Variants in SNW1 observed in about 807,000 individuals in gnomAD.
The protein encoded by SNW1 is SNW domain containing 1.
Under a neutral mutation model 75.6 loss-of-function variants are expected in SNW1, and 9 were observed. The observed-to-expected ratio is 0.12, with a 90% confidence interval of 0.07 to 0.21. SNW1 has a LOEUF of 0.21. SNW1 is among the 10% of genes least tolerant of loss of function. The probability of loss-of-function intolerance (pLI) is 1.00; values close to 1 mark genes in which losing one functional copy is unlikely to be tolerated. For synonymous variants in SNW1, 200 were observed against 219.1 expected (o/e 0.91, Z 0.77); for missense variants, 409 against 670.9 (o/e 0.61, Z 4.31).
At chr14:77,745,524 A>G (rs762012500) in intron 3 of SNW1, among the ~76,000 whole-genome samples, 3 of 152,158 alleles carry the variant, frequency 2.0e-5, no homozygotes, top group Non-Finnish European at 4.4e-5. Context: ...CCTAACCAAC[A>G]AGGTGAAACC....
At chr14:77,720,245 G>A (rs929124985) in intron 12 of SNW1, among the ~76,000 whole-genome samples, 2 of 117,252 alleles carry the variant, frequency 1.7e-5, no homozygotes, top group Non-Finnish European at 1.8e-5. Flanking sequence ...AGCAATTCTC[G>A]TGCCTCAGCC....
intron 6 of SNW1, 118 bp from the exon 7 acceptor site, chr14:77,736,124 G>A: frequency 1.5e-6 from 1 of 675,190 alleles, no homozygotes; most frequent in Non-Finnish European, 2.5e-6. Context: ...AACAGAGACT[G>A]TATAATGATA....
chr14:77,717,968 G>A lies in SNW1; in HGVS notation c.*120C>T, dbSNP rs1354536939. On this transcript the variant is annotated 3_prime_UTR_variant, in exon 14 of 14. Coordinates refer to ENST00000261531, the MANE Select transcript of SNW1 (RefSeq NM_012245.3). ...CCCATTTCTCCAGTAATAAAAAGTA[G>A]TGCTGGGATCTGGCACCCAGATTTG... 2 of 839,900 alleles carry A rather than the reference G, an allele frequency of 2.4e-6. No homozygotes were observed. The highest frequency in any genetic ancestry group is 3.7e-6 in the Non-Finnish European group (2 of 540,054). 52.0% of individuals were successfully genotyped at this position (839,900 alleles called of 1,614,324 possible).
At chr14:77,722,076 A>G (rs971148477) in intron 11 of SNW1, among the ~76,000 whole-genome samples, 1 of 152,170 alleles carries the variant, frequency 6.6e-6, no homozygotes, top group Non-Finnish European at 1.5e-5. Flanking sequence ...TATGACTTGA[A>G]AAATGTATTA....
At position 77,718,064 on chromosome 14, in the gene SNW1, C is replaced by A. The variant is rs776939662; in HGVS notation, c.*24G>T. 1.3e-6 allele frequency: 2 copies of A among 1,529,492 alleles called. No homozygotes were observed. The highest frequency in any genetic ancestry group is 1.8e-6 in the Non-Finnish European group (2 of 1,138,912). 94.7% of individuals were successfully genotyped at this position (1,529,492 alleles called of 1,614,324 possible). ...ATCATTAGGGTTATGGGTAAGAGTTCATTCACTTTGGAGAGACCTGTGCCT... is the reference window on the plus strand; with the variant it reads ...ATCATTAGGGTTATGGGTAAGAGTTAATTCACTTTGGAGAGACCTGTGCCT... On this transcript the variant is annotated 3_prime_UTR_variant, in exon 14 of 14. Transcript: ENST00000261531.
intron 3 of SNW1, among the ~76,000 whole-genome samples, chr14:77,741,778 G>C (rs6574391): frequency 6.6e-6 from 1 of 152,026 alleles, no homozygotes; most frequent in Non-Finnish European, 1.5e-5. Flanking sequence ...TTAATCATGA[G>C]GAGTTTATCA....
intron 9 of SNW1, 29 bp downstream of exon 9, chr14:77,732,456 G>T: frequency 8.6e-7 from 1 of 1,161,934 alleles, no homozygotes; most frequent in Non-Finnish European, 1.3e-6. Flanking sequence ...AAAGTAACAA[G>T]AGCATTAAAC....
Position 77,718,242 on chromosome 14 carries a change from C to T in SNW1, c.1457G>A (p.Arg486Lys). 1 of 1,613,500 alleles carries T rather than the reference C, an allele frequency of 6.2e-7. No individual in the cohort carries two copies. Among genetic ancestry groups the T allele is most frequent in the Non-Finnish European group, 8.5e-7 (1 of 1,179,674 alleles). ...AAACTGCACTGGTCCTTCTCGGCCT[C>T]TCTGTCTACGGTCTGAACCAGAAAA... ...KEFSGSDRRQRGREGPVQFEE... is the reference protein window; with the variant it reads ...KEFSGSDRRQKGREGPVQFEE... The change falls in exon 14 of 14, where the codon AGA becomes AAA. Residue 486 changes from arginine to lysine, a missense_variant. Transcript: ENST00000261531.
chr14:77,727,784 CTGTT>C (rs1431151682), intron 10 of SNW1, among the ~76,000 whole-genome samples: 3 of 152,036 alleles, frequency 2.0e-5, no homozygotes, highest in South Asian at 2.1e-4. Flanking sequence ...GTGTTGAAAT[CTGTT>C]TGTTAGAATT....
At chr14:77,747,470 A>G in intron 3 of SNW1, among the ~76,000 whole-genome samples, 1 of 150,776 alleles carries the variant, frequency 6.6e-6, no homozygotes, top group Non-Finnish European at 1.5e-5. Flanking sequence ...CTAGGAAGTG[A>G]GGAGCGTCTC....
At position 77,755,970 on chromosome 14, in the gene SNW1, C is replaced by T. The variant is rs553053679; in HGVS notation, c.15-850G>A. ...GCCAGGCTGGTCTCGAACTCCCGAC[C>T]GCAGGTGATGTGCCCGCCCCGGCCT... On this transcript the variant is annotated intron_variant, in intron 1 of 13. Transcript: ENST00000261531. 4.6e-5 allele frequency among the ~76,000 whole-genome samples: 7 copies of T among 152,064 alleles called. No individual in the cohort carries two copies. In the South Asian group the frequency reaches 1.2e-3, roughly 27 times the overall value.
chr14:77,737,413 T>C (rs2080681935), intron 5 of SNW1, among the ~76,000 whole-genome samples: 1 of 152,078 alleles, frequency 6.6e-6, no homozygotes, highest in South Asian at 2.1e-4. Flanking sequence ...AAAACACTCA[T>C]AATAATCCCA....
intron 1 of SNW1, chr14:77,760,508 A>C (rs1484060682): frequency 3.3e-6 from 2 of 610,852 alleles, no homozygotes; most frequent in Non-Finnish European, 5.9e-6. Flanking sequence ...AGGTAACCGG[A>C]AACAGCAAAA....
At chr14:77,738,656 G>C in intron 5 of SNW1, 122 bp downstream of exon 5, 1 of 692,616 alleles carries the variant, frequency 1.4e-6, no homozygotes. Context: ...GACAGGCTTT[G>C]AGTCATTATT....
intron 1 of SNW1, among the ~76,000 whole-genome samples, chr14:77,758,834 G>A (rs1302740588): frequency 6.6e-6 from 1 of 152,184 alleles, no homozygotes; most frequent in Non-Finnish European, 1.5e-5. Flanking sequence ...CACATATCAA[G>A]CAAGCTATCA....
At chr14:77,747,373 C>T (rs963525888) in intron 3 of SNW1, among the ~76,000 whole-genome samples, 1 of 152,032 alleles carries the variant, frequency 6.6e-6, no homozygotes, top group Non-Finnish European at 1.5e-5. Flanking sequence ...TCTGCCAGGC[C>T]GCCCATCGTC....
chr14:77,736,044 T>C, intron 6 of SNW1, 38 bp from the exon 7 acceptor site: 1 of 1,486,746 alleles, frequency 6.7e-7, no homozygotes, highest in Non-Finnish European at 9.3e-7. Context: ...TGATATAGTT[T>C]CCTCCCTTTT....
At chr14:77,745,439 G>C (rs892574806) in intron 3 of SNW1, among the ~76,000 whole-genome samples, 10 of 152,228 alleles carry the variant, frequency 6.6e-5, no homozygotes, top group African/African-American at 2.4e-4. Context: ...TGGGCACGGT[G>C]TCTCATGCCT....
intron 2 of SNW1, among the ~76,000 whole-genome samples, chr14:77,752,664 T>C (rs2080817570): frequency 6.6e-6 from 1 of 152,172 alleles, no homozygotes; most frequent in Admixed American, 6.5e-5. Flanking sequence ...GAAATACCTT[T>C]CTTTTAGCTC....
Sources: gnomAD v4.1 joint callset for allele counts (sites outside exome capture counted in the v4.1 genomes callset) on GRCh38, gnomAD v4.1.1 for gene constraint, MANE v1.5 for transcripts, NCBI Gene and HGNC (gene_info 2026-07-23, HGNC 2026-07-21) for gene names.